The following ARHGEF17 variants were observed in gnomAD, a reference collection of about 807,000 sequenced individuals.
ARHGEF17 encodes the protein 164 kDa Rho-specific guanine-nucleotide exchange factor.
Under a neutral mutation model 174.0 loss-of-function variants are expected in ARHGEF17, and 80 were observed. The ratio of observed to expected loss-of-function variants is 0.46; its 90% confidence interval spans 0.38 to 0.55. The LOEUF (loss-of-function observed/expected upper bound fraction) is 0.55, where lower values mean the gene tolerates loss of function less well. ARHGEF17 is among the 20% of genes least tolerant of loss of function. The probability of loss-of-function intolerance (pLI) is 0.00; values close to 1 mark genes in which losing one functional copy is unlikely to be tolerated. For missense variants in ARHGEF17, 2,886 were observed against 2,839.7 expected (o/e 1.02, Z -0.37); for synonymous variants, 1,311 against 1,189.1 (o/e 1.10, Z -2.11).
chr11:73,334,328 C>T (rs1865254418), intron 1 of ARHGEF17, among the ~76,000 whole-genome samples: 1 of 152,062 alleles, frequency 6.6e-6, no homozygotes, highest in Non-Finnish European at 1.5e-5. Context: ...TAAACAGGGC[C>T]AAGAGCAAGG....
chr11:73,313,201 CAG>C (rs913470513), intron 1 of ARHGEF17, among the ~76,000 whole-genome samples: 2 of 152,072 alleles, frequency 1.3e-5, no homozygotes, highest in African/African-American at 4.8e-5. Flanking sequence ...ATGGAGGCTG[CAG>C]AGAGAGCAGG....
Position 73,312,301 on chromosome 11 carries a change from C to T in ARHGEF17, c.3192+471C>T, listed in dbSNP as rs187639549. ...CATGGGTTTGCCCTTCTTCGTGTGG[C>T]TTTCCTGTGACAGGTCAGAATATAG... is the stretch of plus-strand genomic sequence containing the variant. On this transcript the variant is annotated intron_variant, in intron 1 of 20. Coordinates refer to ENST00000263674, the MANE Select transcript of ARHGEF17 (RefSeq NM_014786.4). 5.3e-3 allele frequency among the ~76,000 whole-genome samples: 808 copies of T among 152,280 alleles called. 3 individuals carry two copies. Among genetic ancestry groups the T allele is most frequent in the Non-Finnish European group, 8.0e-3 (547 of 68,030 alleles).
intron 3 of ARHGEF17, among the ~76,000 whole-genome samples, chr11:73,354,247 C>T (rs1303059370): frequency 6.6e-6 from 1 of 152,198 alleles, no homozygotes; most frequent in African/African-American, 2.4e-5. Flanking sequence ...AGCTCAGCCC[C>T]CTGCCTGGAC....
chr11:73,346,656 G>A lies in ARHGEF17; in HGVS notation c.3193-227G>A, dbSNP rs182086334. On this transcript the variant is annotated intron_variant, in intron 1 of 20. Transcript: ENST00000263674. Reference sequence around the variant, plus strand: ...TGAGTGCCTAACTGTGCAAGGCCACGTGTTTGAGGTGTAAGTCGGGGGCAG... The same window carrying A: ...TGAGTGCCTAACTGTGCAAGGCCACATGTTTGAGGTGTAAGTCGGGGGCAG... Among the ~76,000 whole-genome samples the A allele has an allele frequency of 6.9e-4, 105 of 152,316 alleles. No individual in the cohort carries two copies. In the South Asian group the frequency reaches 8.7e-3, roughly 13 times the overall value.
intron 1 of ARHGEF17, among the ~76,000 whole-genome samples, chr11:73,337,434 A>G (rs1298692421): frequency 6.6e-6 from 1 of 151,108 alleles, no homozygotes; most frequent in Non-Finnish European, 1.5e-5. Context: ...AGCATGTGAG[A>G]TGATAGCTAT....
chr11:73,364,347 G>T, intron 17 of ARHGEF17, 105 bp from the exon 18 acceptor site: 3 of 1,603,682 alleles, frequency 1.9e-6, no homozygotes, highest in Non-Finnish European at 2.6e-6. Context: ...GTGGGCCTTG[G>T]TTTCTTTGCT....
intron 9 of ARHGEF17, among the ~76,000 whole-genome samples, chr11:73,358,058 C>G (rs929883401): frequency 1.3e-5 from 2 of 152,186 alleles, no homozygotes; most frequent in African/African-American, 4.8e-5. Flanking sequence ...GAATGACCAC[C>G]TTTAAGTTAG....
In ARHGEF17 at chr11:73,311,203, C is replaced by T; in HGVS notation, c.2565C>T (p.Pro855=). The T allele has an allele frequency of 6.2e-7, 1 of 1,600,086 alleles. No homozygotes were observed. The highest frequency in any genetic ancestry group is 8.5e-7 in the Non-Finnish European group (1 of 1,170,718). ...GGGAGCCCATCCGAGAAGTTGAGCC[C>T]ATGCTGCCTCCATCCAGCAGCGAGC... The part of the protein sequence containing the change: ...PGGEPIREVE[P]MLPPSSSEPI... Residue 855 remains proline, a synonymous_variant, in exon 1 of 21, where the codon CCC becomes CCT. Transcript: ENST00000263674.
chr11:73,310,352 C>G lies in ARHGEF17; in HGVS notation c.1714C>G (p.Leu572Val), dbSNP rs903590448. The G allele has an allele frequency of 1.2e-6, 2 of 1,613,754 alleles. No homozygotes were observed. The highest frequency in any genetic ancestry group is 3.3e-5 in the Admixed American group (2 of 60,018). ...SALKSSSSEL[L>V]LTGPGAEEDP... ...TCTGAAGTCCAGCTCCTCCGAGCTC[C>G]TGCTCACAGGCCCTGGTGCCGAGGA... The change falls in exon 1 of 21, where the codon CTG (leucine) becomes GTG (valine). Residue 572 changes from leucine to valine, a missense_variant. Around this residue, in one of 4 missense-constraint regions of ARHGEF17, gnomAD observed 1,728 missense variants for 1,461.2 expected, o/e 1.18. Coordinates refer to ENST00000263674, the MANE Select transcript of ARHGEF17 (RefSeq NM_014786.4).
In ARHGEF17 at chr11:73,368,479, A is replaced by AT. The variant is rs1325213414; in HGVS notation, c.*701dup. The AT allele has an allele frequency of 6.6e-6, 1 of 152,048 alleles. No homozygotes were observed. Among genetic ancestry groups the AT allele is most frequent in the African/African-American group, 2.4e-5 (1 of 41,386 alleles). The allele number at this position is 152,048 out of a possible 1,614,324, so 9.4% of individuals were successfully genotyped here. On this transcript the variant is annotated 3_prime_UTR_variant, in exon 21 of 21. Transcript: ENST00000263674. ...AGTCCTCTAGATCAAGATGCTGACT[A>AT]TTAGGGGGCAGTGATTGCCATCTGG... is the stretch of plus-strand genomic sequence containing the variant.
chr11:73,350,324 T>C (rs1332564078), intron 2 of ARHGEF17, among the ~76,000 whole-genome samples: 1 of 152,102 alleles, frequency 6.6e-6, no homozygotes, highest in African/African-American at 2.4e-5. Context: ...AGTGAGTAAA[T>C]TCATATAAGC....
Position 73,362,196 on chromosome 11 carries a change from C to G in ARHGEF17, c.4651C>G (p.Leu1551Val), listed in dbSNP as rs1415397584. The G allele has an allele frequency of 1.3e-6, 2 of 1,571,966 alleles. No homozygotes were observed. Among genetic ancestry groups the G allele is most frequent in the East Asian group, 2.4e-5 (1 of 42,012 alleles). The change falls in exon 13 of 21, where the codon CTC (leucine) becomes GTC (valine). Residue 1551 changes from leucine to valine, a missense_variant. Leu to Val is a conservative substitution (Grantham distance 32). Around this residue, in one of 4 missense-constraint regions of ARHGEF17, gnomAD observed 476 missense variants for 473.1 expected, o/e 1.01. Transcript: ENST00000263674. The stretch of plus-strand genomic sequence containing the variant: ...CATCGCCGTCTGTTCCGCCCGCATC[C>G]TCTGCATCGGGGCGGTGCCCGGGCT... ...ACIAVCSARI[L>V]CIGAVPGLQP...
chr11:73,361,798 G>A (rs1353733429), intron 12 of ARHGEF17, among the ~76,000 whole-genome samples: 7 of 150,952 alleles, frequency 4.6e-5, no homozygotes, highest in Non-Finnish European at 7.4e-5. Context: ...AAGCTGCAGT[G>A]AGCCATGAAC....
chr11:73,353,148 T>A, intron 3 of ARHGEF17, 136 bp downstream of exon 3: 1 of 1,171,328 alleles, frequency 8.5e-7, no homozygotes, highest in Non-Finnish European at 1.2e-6. Context: ...AGAACTTGGC[T>A]AGACATTGGT....
At position 73,310,832 on chromosome 11, in the gene ARHGEF17, A is replaced by C. The variant is rs760446337; in HGVS notation, c.2194A>C (p.Arg732=). The change falls in exon 1 of 21, where the codon AGG becomes CGG. Residue 732 remains arginine, a synonymous_variant. Coordinates refer to ENST00000263674, the MANE Select transcript of ARHGEF17 (RefSeq NM_014786.4). ...LSNGEAGEAY[R]SLSDPIPQRH... is the part of the protein sequence containing the mutation. ...CAATGGGGAGGCAGGGGAGGCCTAC[A>C]GGTCCCTGAGTGACCCAATTCCTCA... The C allele has an allele frequency of 1.7e-5, 28 of 1,611,800 alleles. No homozygotes were observed. In the African/African-American group the frequency reaches 3.6e-4, roughly 21 times the overall value.
intron 1 of ARHGEF17, among the ~76,000 whole-genome samples, chr11:73,314,219 C>A (rs986756619): frequency 6.6e-6 from 1 of 152,246 alleles, no homozygotes; most frequent in Non-Finnish European, 1.5e-5. Flanking sequence ...TCCAGTCATG[C>A]TCCCTGGGCC....
chr11:73,321,899 A>C (rs1192381136), intron 1 of ARHGEF17, among the ~76,000 whole-genome samples: 1 of 152,128 alleles, frequency 6.6e-6, no homozygotes, highest in African/African-American at 2.4e-5. Context: ...AGCAAGCACA[A>C]GGTTGGTGTC....
Position 73,309,705 on chromosome 11 carries a change from A to G in ARHGEF17, c.1067A>G (p.Gln356Arg). The G allele has an allele frequency of 6.2e-7, 1 of 1,613,024 alleles. No individual in the cohort carries two copies. The highest frequency in any genetic ancestry group is 8.5e-7 in the Non-Finnish European group (1 of 1,179,960). The change falls in exon 1 of 21, where the codon CAG becomes CGG. Residue 356 changes from glutamine to arginine, a missense_variant. This residue lies in a region of ARHGEF17 where 1,728 missense variants were observed against 1,461.2 expected (regional missense o/e 1.18). Transcript: ENST00000263674. Reference protein sequence around the residue: ...SGSPPCVPGPQEGLRPMSDSV... With the variant: ...SGSPPCVPGPREGLRPMSDSV... ...TCTCCGCCCTGCGTCCCAGGTCCCC[A>G]GGAGGGACTTCGGCCTATGTCTGAC...
intron 1 of ARHGEF17, among the ~76,000 whole-genome samples, chr11:73,326,793 C>T (rs1287645688): frequency 6.6e-6 from 1 of 152,144 alleles, no homozygotes; most frequent in Non-Finnish European, 1.5e-5. Flanking sequence ...AATCTTGACA[C>T]AGAAGTATAA....
Sources: gnomAD v4.1 joint callset for allele counts (sites outside exome capture counted in the v4.1 genomes callset) on GRCh38, gnomAD v4.1.1 for gene constraint, gnomAD v4.1.1 regional missense constraint, MANE v1.5 for transcripts, NCBI Gene and HGNC (gene_info 2026-07-23, HGNC 2026-07-21) for gene names.